The following PRKAR2B variants were observed in gnomAD, a reference collection of about 807,000 sequenced individuals.
PRKAR2B encodes protein kinase cAMP-dependent type II regulatory subunit beta.
PRKAR2B carries 14 observed loss-of-function variants against 49.9 expected under a neutral mutation model. The observed-to-expected ratio is 0.28, with a 90% CI of 0.19 to 0.44. The LOEUF is 0.44. Ranked by LOEUF, PRKAR2B falls within the 20% of genes least tolerant of loss-of-function variation. The probability of loss-of-function intolerance (pLI) is 1.00; values close to 1 mark genes in which losing one functional copy is unlikely to be tolerated. For missense variants in PRKAR2B, 393 were observed against 537.9 expected (o/e 0.73, Z 2.67); for synonymous variants, 196 against 197.7 (o/e 0.99, Z 0.07).
chr7:107,061,926 A>G (rs1304108565), intron 1 of PRKAR2B, among the ~76,000 whole-genome samples: 1 of 152,192 alleles, frequency 6.6e-6, no homozygotes, highest in African/African-American at 2.4e-5. Context: ...AGAATGGCCA[A>G]TAAGCACGTG....
chr7:107,075,830 A>G (rs568661615), intron 2 of PRKAR2B, among the ~76,000 whole-genome samples: 1 of 152,322 alleles, frequency 6.6e-6, no homozygotes, highest in East Asian at 1.9e-4. Flanking sequence ...TTAGAGAGTC[A>G]TAATACTGTT....
At chr7:107,137,002 T>C (rs573510960) in intron 4 of PRKAR2B, among the ~76,000 whole-genome samples, 2 of 152,258 alleles carry the variant, frequency 1.3e-5, no homozygotes. Flanking sequence ...ATGGAAGACA[T>C]GGAAGAACCT....
Position 107,159,698 on chromosome 7 carries a change from T to TCATAA in PRKAR2B, c.*116_*117insCATAA. 2.6e-6 allele frequency: 3 copies of TCATAA among 1,156,268 alleles called. No individual in the cohort carries two copies. The highest frequency in any genetic ancestry group is 3.3e-5 in the South Asian group (2 of 61,238). The allele number at this position is 1,156,268 out of a possible 1,614,324, so 71.6% of individuals were successfully genotyped here. A position where few individuals can be genotyped will look rare whatever the true frequency, so the allele number is the denominator to read the frequency against. On this transcript the variant is annotated 3_prime_UTR_variant, in exon 11 of 11. Transcript: ENST00000265717. ...TCTGTGATTTCAGGTTTTTTCCTTT[T>TCATAA]TTTACATTTACAACGTATCAATAAA...
At chr7:107,093,234 C>A (rs1227598863) in intron 2 of PRKAR2B, among the ~76,000 whole-genome samples, 2 of 152,074 alleles carry the variant, frequency 1.3e-5, no homozygotes, top group African/African-American at 2.4e-5. Flanking sequence ...TAGGTATGTA[C>A]CCAGAAGTGG....
At chr7:107,052,750 T>G (rs1035147333) in intron 1 of PRKAR2B, among the ~76,000 whole-genome samples, 2 of 152,246 alleles carry the variant, frequency 1.3e-5, no homozygotes, top group Non-Finnish European at 2.9e-5. Context: ...CATTGATCTC[T>G]CCCTTTTACA....
chr7:107,045,085 G>T lies in PRKAR2B; in HGVS notation c.178G>T (p.Asp60Tyr). 1 of 1,534,622 alleles carries T rather than the reference G, an allele frequency of 6.5e-7. No individual in the cohort carries two copies. The highest frequency in any genetic ancestry group is 8.7e-7 in the Non-Finnish European group (1 of 1,143,936). The stretch of plus-strand genomic sequence containing the variant: ...CGGCCATGAGGGCAGGACCTGGGGG[G>T]ACCTGGGCGCCGCTGCCGGGGGCGG... ...RFGHEGRTWG[D>Y]LGAAAGGGTP... Residue 60 changes from aspartate (D) to tyrosine (Y), a missense_variant, in exon 1 of 11, where the codon GAC (aspartate) becomes TAC (tyrosine). Transcript: ENST00000265717.
intron 4 of PRKAR2B, among the ~76,000 whole-genome samples, chr7:107,138,668 C>T (rs193006709): frequency 6.6e-6 from 1 of 150,844 alleles, no homozygotes; most frequent in Non-Finnish European, 1.5e-5. Context: ...CAATCTCAGC[C>T]TCTCCTGAGT....
intron 3 of PRKAR2B, among the ~76,000 whole-genome samples, chr7:107,122,441 A>C (rs1292895873): frequency 6.6e-6 from 1 of 152,206 alleles, no homozygotes; most frequent in African/African-American, 2.4e-5. Context: ...GTGAGTCTTC[A>C]TAGTTTGCTC....
intron 2 of PRKAR2B, among the ~76,000 whole-genome samples, chr7:107,074,644 CA>C (rs1794358316): frequency 6.6e-6 from 1 of 151,734 alleles, no homozygotes; most frequent in African/African-American, 2.4e-5. Flanking sequence ...ACTAAAAATA[CA>C]AAAATTAGCT....
chr7:107,063,099 G>A (rs1794058449), intron 1 of PRKAR2B, among the ~76,000 whole-genome samples: 3 of 152,152 alleles, frequency 2.0e-5, no homozygotes, highest in Non-Finnish European at 4.4e-5. Context: ...TGCCTCCCAG[G>A]TTTGAGCGAT....
intron 1 of PRKAR2B, among the ~76,000 whole-genome samples, chr7:107,047,035 C>T (rs930406243): frequency 6.6e-6 from 1 of 152,076 alleles, no homozygotes; most frequent in East Asian, 1.9e-4. Flanking sequence ...TTTTATATGG[C>T]TTTATATTCT....
intron 1 of PRKAR2B, among the ~76,000 whole-genome samples, chr7:107,065,826 C>T (rs183796189): frequency 3.3e-4 from 51 of 152,242 alleles, no homozygotes; most frequent in African/African-American, 1.2e-3. Context: ...TAAGCAGTTC[C>T]TGCTGGCCTG....
chr7:107,159,011 C>A (rs1186105864), intron 10 of PRKAR2B, among the ~76,000 whole-genome samples: 1 of 152,192 alleles, frequency 6.6e-6, no homozygotes, highest in African/African-American at 2.4e-5. Flanking sequence ...GCAAAACTTA[C>A]AAAAGGTTAA....
At chr7:107,157,080 A>G (rs368701245) in intron 9 of PRKAR2B, 31 bp downstream of exon 9, 647 of 1,607,372 alleles carry the variant, frequency 4.0e-4, no homozygotes, top group Non-Finnish European at 5.0e-4. Context: ...GAACCCACAT[A>G]CTGTTAGCAA....
intron 4 of PRKAR2B, among the ~76,000 whole-genome samples, chr7:107,139,341 A>G (rs577181013): frequency 4.6e-5 from 7 of 152,152 alleles, no homozygotes; most frequent in Non-Finnish European, 1.0e-4. Flanking sequence ...TTTTTGTTCT[A>G]GGGCACCAGT....
intron 2 of PRKAR2B, among the ~76,000 whole-genome samples, chr7:107,074,805 A>T (rs2116778843): frequency 6.6e-6 from 1 of 152,184 alleles, no homozygotes; most frequent in South Asian, 2.1e-4. Flanking sequence ...GTTTAAAATA[A>T]ATAAATAAAT....
chr7:107,149,220 G>A (rs184269233), intron 6 of PRKAR2B, among the ~76,000 whole-genome samples: 100 of 152,188 alleles, frequency 6.6e-4, no homozygotes, highest in African/African-American at 2.4e-3. Context: ...CAATATTTGT[G>A]CTAATTATCT....
chr7:107,076,598 C>T (rs754449058), intron 2 of PRKAR2B, among the ~76,000 whole-genome samples: 1 of 152,110 alleles, frequency 6.6e-6, no homozygotes, highest in Non-Finnish European at 1.5e-5. Context: ...CTATTGCTTT[C>T]AAGGACTACT....
chr7:107,130,396 G>A (rs912817053), intron 4 of PRKAR2B, among the ~76,000 whole-genome samples: 3 of 152,056 alleles, frequency 2.0e-5, no homozygotes, highest in Admixed American at 1.3e-4. Context: ...CAGCTACTAG[G>A]GAGGCTGAGG....
Sources: gnomAD v4.1 joint callset for allele counts (sites outside exome capture counted in the v4.1 genomes callset) on GRCh38, gnomAD v4.1.1 for gene constraint, MANE v1.5 for transcripts, NCBI Gene and HGNC (gene_info 2026-07-23, HGNC 2026-07-21) for gene names.